LGSN: variants seen among roughly 807,000 people sequenced by gnomAD.
The protein encoded by LGSN is lengsin.
A neutral mutation model predicts 19.5 loss-of-function variants in LGSN; 21 were observed. The ratio of observed to expected loss-of-function variants is 1.07; its 90% confidence interval spans 0.76 to 1.55. The LOEUF (loss-of-function observed/expected upper bound fraction) is 1.55. Among genes scored for constraint, LGSN ranks in the 40% most tolerant of loss-of-function variants. The pLI is 0.00. For synonymous variants in LGSN, 257 were observed against 215.6 expected, an observed-to-expected ratio of 1.19 and a Z score of -1.68; for missense variants, 673 against 608.5, an observed-to-expected ratio of 1.11 and a Z score of -1.12.
the LGSN span, among the ~76,000 whole-genome samples, chr6:63,434,621 A>AG: frequency 7.3e-5 from 11 of 150,686 alleles, no homozygotes; most frequent in East Asian, 1.9e-4. Context: ...AAAAAAAAAA[A>AG]AAAGAAAGAA....
the LGSN span, among the ~76,000 whole-genome samples, chr6:63,510,660 A>ATTTTTTTTTTTTTTT: frequency 1.8e-5 from 2 of 111,978 alleles, no homozygotes; most frequent in African/African-American, 3.5e-5. Context: ...CAAGAAGCGA[A>ATTTTTTTTTTTTTTT]TTTTTTTTTT....
the LGSN span, among the ~76,000 whole-genome samples, chr6:63,455,181 CT>C: frequency 6.6e-6 from 1 of 152,188 alleles, no homozygotes; most frequent in African/African-American, 2.4e-5. Flanking sequence ...AAACAAATAG[CT>C]CAGCGCATTC....
the LGSN span, among the ~76,000 whole-genome samples, chr6:63,455,305 G>A: frequency 6.6e-6 from 1 of 152,220 alleles, no homozygotes; most frequent in Non-Finnish European, 1.5e-5. Context: ...TTTCTGAAAG[G>A]GATTTTGTTT....
the LGSN span, among the ~76,000 whole-genome samples, chr6:63,557,845 G>A: frequency 3.9e-5 from 6 of 152,186 alleles, no homozygotes; most frequent in South Asian, 1.2e-3. Flanking sequence ...TTTTGAGAAA[G>A]AGGATAGCAA....
At chr6:63,505,626 A>AAAGAAAGAAAGAAAGAAAGG in the LGSN span, among the ~76,000 whole-genome samples, 1 of 130,688 alleles carries the variant, frequency 7.7e-6, no homozygotes, top group Non-Finnish European at 1.6e-5. Context: ...AGAAAGAAAG[A>AAAGAAAGAAAGAAAGAAAGG]AAGAAAGAAA....
At chr6:63,353,843 A>G in the LGSN span, among the ~76,000 whole-genome samples, 4 of 152,264 alleles carry the variant, frequency 2.6e-5, no homozygotes, top group East Asian at 1.9e-4. Flanking sequence ...ATAAGTCTAC[A>G]TATAAGGCAA....
the LGSN span, among the ~76,000 whole-genome samples, chr6:63,544,524 T>A: frequency 6.6e-6 from 1 of 152,176 alleles, no homozygotes; most frequent in Non-Finnish European, 1.5e-5. Context: ...CTAGAATTTA[T>A]CTAGTTGTCG....
the LGSN span, among the ~76,000 whole-genome samples, chr6:63,415,931 A>C: frequency 6.6e-6 from 1 of 152,188 alleles, no homozygotes; most frequent in African/African-American, 2.4e-5. Flanking sequence ...TGGAGAATGC[A>C]TGCATTGGGA....
chr6:63,320,063 C>T, upstream of LGSN: 5 of 768,398 alleles, frequency 6.5e-6, no homozygotes, highest in South Asian at 7.5e-5. Flanking sequence ...AGAGGCTTTT[C>T]CAGAGGGGTC....
chr6:63,563,157 A>G, the LGSN span, among the ~76,000 whole-genome samples: 233 of 152,340 alleles, frequency 1.5e-3, no homozygotes, highest in African/African-American at 5.4e-3. Context: ...ATTCTACTCT[A>G]GGGCCTTCTC....
chr6:63,333,344 A>G, the LGSN span, among the ~76,000 whole-genome samples: 12 of 151,942 alleles, frequency 7.9e-5, no homozygotes, highest in East Asian at 1.9e-3. Context: ...AACAAGCCTT[A>G]CAAAAAGTCG....
At chr6:63,313,462 A>G (rs1166510318) in intron 1 of LGSN, among the ~76,000 whole-genome samples, 1 of 152,210 alleles carries the variant, frequency 6.6e-6, no homozygotes, top group East Asian at 1.9e-4. Context: ...GAAGACAGAA[A>G]ATATGTCTAC....
chr6:63,336,955 A>G, the LGSN span, among the ~76,000 whole-genome samples: 384 of 125,098 alleles, frequency 3.1e-3, 3 homozygotes, highest in African/African-American at 0.011. Flanking sequence ...ATGGAGTCTC[A>G]CCCTGTCACC....
intron 1 of LGSN, among the ~76,000 whole-genome samples, chr6:63,309,126 T>C (rs1183194797): frequency 1.3e-5 from 2 of 152,124 alleles, no homozygotes; most frequent in African/African-American, 2.4e-5. Context: ...TTCAAGTGAT[T>C]TACCATTTAA....
the LGSN span, among the ~76,000 whole-genome samples, chr6:63,522,618 A>T: frequency 2.6e-5 from 4 of 152,196 alleles, no homozygotes; most frequent in Non-Finnish European, 5.9e-5. Flanking sequence ...AAAAGAACAC[A>T]ATAGTGTAGC....
chr6:63,280,704 A>G lies in LGSN; in HGVS notation c.847T>C (p.Phe283Leu). 1 of 1,614,144 alleles carries G rather than the reference A, an allele frequency of 6.2e-7. No individual in the cohort carries two copies. Among genetic ancestry groups the G allele is most frequent in the East Asian group, 2.2e-5 (1 of 44,870 alleles). ...EFGISSADNA[F>L]TLRTGVKEVA... Reference sequence around the variant, plus strand: ...TCTTTGACACCTGTTCTGAGGGTAAATGCATTATCAGCTGAGCTAATGCCA... The same window carrying G: ...TCTTTGACACCTGTTCTGAGGGTAAGTGCATTATCAGCTGAGCTAATGCCA... The change falls in exon 4 of 4, where the codon TTT (phenylalanine) becomes CTT (leucine). Residue 283 changes from phenylalanine (F) to leucine (L), a missense_variant. By Grantham distance (22) the Phe-to-Leu change is conservative. Coordinates refer to ENST00000370657, the MANE Select transcript of LGSN (RefSeq NM_016571.3).
At chr6:63,505,466 T>C in the LGSN span, among the ~76,000 whole-genome samples, 1 of 148,124 alleles carries the variant, frequency 6.8e-6, no homozygotes, top group Non-Finnish European at 1.5e-5. Flanking sequence ...TAGTCCCAGC[T>C]ACTCGGGAGG....
the LGSN span, among the ~76,000 whole-genome samples, chr6:63,407,320 GC>G: frequency 2.0e-5 from 3 of 151,938 alleles, no homozygotes; most frequent in African/African-American, 7.3e-5. Flanking sequence ...ACATCAAAAA[GC>G]TTATCCACCA....
the LGSN span, among the ~76,000 whole-genome samples, chr6:63,365,175 T>C: frequency 6.6e-6 from 1 of 151,582 alleles, no homozygotes; most frequent in Non-Finnish European, 1.5e-5. Context: ...ATCAACAAAA[T>C]TGACAGACCA....
Sources: gnomAD v4.1 joint callset for allele counts (sites outside exome capture counted in the v4.1 genomes callset) on GRCh38, gnomAD v4.1.1 for gene constraint, MANE v1.5 for transcripts, NCBI Gene and HGNC (gene_info 2026-07-23, HGNC 2026-07-21) for gene names.